DCDC1: variants seen among roughly 807,000 people sequenced by gnomAD.
DCDC1 encodes doublecortin domain containing 1, also known as doublecortin domain-containing protein 1.
A neutral mutation model predicts 178.3 loss-of-function variants in DCDC1; 200 were observed. The observed-to-expected ratio is 1.12, with a 90% CI of 1.00 to 1.26. The LOEUF is 1.26. Ranked by LOEUF, DCDC1 falls within the 50% of genes most tolerant of loss-of-function variation. The probability of loss-of-function intolerance (pLI) is 0.00; values close to 1 mark genes in which losing one functional copy is unlikely to be tolerated. For missense variants in DCDC1, 1,983 were observed against 1,749.2 expected (o/e 1.13, Z -2.38); for synonymous variants, 690 against 604.8 (o/e 1.14, Z -2.07).
At chr11:30,917,756 C>G (rs1296303763) in intron 25 of DCDC1, among the ~76,000 whole-genome samples, 1 of 152,128 alleles carries the variant, frequency 6.6e-6, no homozygotes, top group Non-Finnish European at 1.5e-5. Flanking sequence ...GATAAATATA[C>G]AGGCAAAGCA....
intron 17 of DCDC1, among the ~76,000 whole-genome samples, chr11:31,081,797 G>T (rs905007577): frequency 2.0e-5 from 3 of 152,098 alleles, no homozygotes; most frequent in African/African-American, 7.2e-5. Context: ...CCTGTTGGTA[G>T]TCTACTTAAA....
intron 20 of DCDC1, among the ~76,000 whole-genome samples, chr11:30,963,270 A>G (rs572446215): frequency 6.6e-6 from 1 of 152,108 alleles, no homozygotes; most frequent in African/African-American, 2.4e-5. Flanking sequence ...TCGAGTAAAG[A>G]CAGAGTTCGA....
chr11:31,150,164 T>C (rs1187421761), intron 9 of DCDC1, among the ~76,000 whole-genome samples: 8 of 152,194 alleles, frequency 5.3e-5, no homozygotes. Context: ...GGTCTTAATT[T>C]GCCAGAAATT....
At chr11:30,975,126 A>C (rs1950033324) in intron 20 of DCDC1, among the ~76,000 whole-genome samples, 1 of 152,028 alleles carries the variant, frequency 6.6e-6, no homozygotes, top group Admixed American at 6.6e-5. Flanking sequence ...AAAAACTGTA[A>C]GATTATCTCA....
chr11:31,181,582 G>GA (rs753355990), intron 9 of DCDC1, among the ~76,000 whole-genome samples: 8 of 152,196 alleles, frequency 5.3e-5, no homozygotes, highest in Non-Finnish European at 1.0e-4. Context: ...ACAGGGTCTG[G>GA]AGTGGACCTC....
chr11:30,904,789 T>C (rs920849410), intron 31 of DCDC1, 172 bp downstream of exon 31: 8 of 743,656 alleles, frequency 1.1e-5, no homozygotes, highest in Non-Finnish European at 8.6e-6. Context: ...TCCACTGACA[T>C]ACAATCAAAT....
chr11:31,297,914 T>C (rs1366172511), intron 6 of DCDC1, among the ~76,000 whole-genome samples: 1 of 152,194 alleles, frequency 6.6e-6, no homozygotes, highest in Non-Finnish European at 1.5e-5. Flanking sequence ...ATGTTCATCT[T>C]ACATATATTG....
chr11:31,093,152 G>T lies in DCDC1; in HGVS notation c.2118+898C>A, dbSNP rs1362190168. ...AACATAGACTCCAGCTGGAAATCCA[G>T]ATTTCAGGAAAAGCTCATGTAAACT... On this transcript the variant is annotated intron_variant, in intron 16 of 38. Coordinates refer to ENST00000684477, the MANE Select transcript of DCDC1 (RefSeq NM_001387274.1). Among the ~76,000 whole-genome samples, 5 of 152,258 alleles carry T rather than the reference G, an allele frequency of 3.3e-5. No individual in the cohort carries two copies. In the South Asian group the frequency reaches 1.0e-3, roughly 32 times the overall value.
chr11:31,119,555 C>T (rs574959019), intron 11 of DCDC1, among the ~76,000 whole-genome samples: 4 of 152,048 alleles, frequency 2.6e-5, no homozygotes, highest in East Asian at 3.9e-4. Context: ...AAAACACCAA[C>T]CAAAAAAAAT....
At chr11:31,114,334 C>T (rs1959524446) in intron 11 of DCDC1, among the ~76,000 whole-genome samples, 1 of 152,090 alleles carries the variant, frequency 6.6e-6, no homozygotes, top group Admixed American at 6.6e-5. Flanking sequence ...ATTTTACAGG[C>T]ATTATGCAGG....
At chr11:31,041,146 G>C (rs1310184454) in intron 20 of DCDC1, among the ~76,000 whole-genome samples, 1 of 152,138 alleles carries the variant, frequency 6.6e-6, no homozygotes, top group African/African-American at 2.4e-5. Flanking sequence ...ATGCTCTTAG[G>C]GACAGGAGTG....
chr11:31,352,728 CT>C (rs1951137180), intron 1 of DCDC1, among the ~76,000 whole-genome samples: 1 of 152,122 alleles, frequency 6.6e-6, no homozygotes, highest in Admixed American at 6.6e-5. Context: ...ATTCTGCTAC[CT>C]TTAGTATTCT....
chr11:31,021,584 A>T (rs1952883047), intron 20 of DCDC1, among the ~76,000 whole-genome samples: 1 of 152,144 alleles, frequency 6.6e-6, no homozygotes, highest in Non-Finnish European at 1.5e-5. Context: ...ACAAGTAACT[A>T]AGGGGAGTGA....
chr11:31,041,203 T>C (rs912937509), intron 20 of DCDC1, among the ~76,000 whole-genome samples: 21 of 152,168 alleles, frequency 1.4e-4, no homozygotes, highest in African/African-American at 5.1e-4. Context: ...GGCATTAACT[T>C]TTAAATGCTT....
chr11:31,056,656 A>G (rs944433109), intron 20 of DCDC1, among the ~76,000 whole-genome samples: 1 of 152,160 alleles, frequency 6.6e-6, no homozygotes, highest in Non-Finnish European at 1.5e-5. Context: ...GTACCTAATA[A>G]TCTCAAATTA....
chr11:30,864,644 CT>C lies in DCDC1; in HGVS notation c.*728del, dbSNP rs1940839334. On this transcript the variant is annotated 3_prime_UTR_variant, in exon 39 of 39. Coordinates refer to ENST00000684477, the MANE Select transcript of DCDC1 (RefSeq NM_001387274.1). ...GACTGATGAGTTTTATCAGTGAGCCCTTGTGGGTAGAGCTCTGTCCCAAGTA... is the reference window on the plus strand; with the variant it reads ...GACTGATGAGTTTTATCAGTGAGCCCTGTGGGTAGAGCTCTGTCCCAAGTA... 3 of 152,184 alleles carry C rather than the reference CT, an allele frequency of 2.0e-5. No homozygotes were observed. Among genetic ancestry groups the C allele is most frequent in the Admixed American group, 1.3e-4 (2 of 15,288 alleles). 9.4% of individuals were successfully genotyped at this position (152,184 alleles called of 1,614,324 possible).
intron 9 of DCDC1, among the ~76,000 whole-genome samples, chr11:31,170,882 T>G (rs1967129902): frequency 6.6e-6 from 1 of 152,076 alleles, no homozygotes; most frequent in Non-Finnish European, 1.5e-5. Context: ...CAGGCTGGAG[T>G]GCAATAGCGT....
intron 11 of DCDC1, among the ~76,000 whole-genome samples, chr11:31,111,342 T>G (rs922887998): frequency 6.6e-6 from 1 of 151,744 alleles, no homozygotes; most frequent in Admixed American, 6.6e-5. Flanking sequence ...GTTTTTGAAA[T>G]GTATTTAATT....
At chr11:31,175,079 C>T (rs1440471484) in intron 9 of DCDC1, among the ~76,000 whole-genome samples, 2 of 152,214 alleles carry the variant, frequency 1.3e-5, no homozygotes, top group Admixed American at 6.5e-5. Context: ...CTTCAAGGAG[C>T]CCAGACCTAG....
Sources: allele counts gnomAD v4.1 joint callset (sites outside exome capture counted in the v4.1 genomes callset), GRCh38; gene constraint gnomAD v4.1.1; transcripts MANE v1.5; gene names NCBI Gene and HGNC (gene_info 2026-07-23, HGNC 2026-07-21).